The following VPS35 variants were observed in gnomAD, a reference collection of about 807,000 sequenced individuals.
The protein encoded by VPS35 is vacuolar protein sorting-associated protein 35.
In VPS35, 21 loss-of-function variants were observed where a neutral mutation model predicts 98.1. That is an observed-to-expected ratio of 0.21 (90% CI 0.15 to 0.31). The LOEUF (loss-of-function observed/expected upper bound fraction) is 0.31, where lower values mean the gene tolerates loss of function less well. VPS35 is among the 10% of genes least tolerant of loss of function. VPS35 has a pLI of 1.00. For synonymous variants in VPS35, 268 were observed against 318.2 expected (o/e 0.84, Z 1.68); for missense variants, 554 against 950.8 (o/e 0.58, Z 5.49).
chr16:46,676,056 G>A (rs1377197614), intron 8 of VPS35, among the ~76,000 whole-genome samples: 4 of 86,208 alleles, frequency 4.6e-5, no homozygotes, highest in African/African-American at 2.0e-4. Flanking sequence ...CAAGAGTGAG[G>A]ATCTGTCTCA....
In VPS35 at chr16:46,663,108, T is replaced by C. The variant is rs774875351; in HGVS notation, c.1702A>G (p.Ile568Val). ...QKIFSFAHQT[I>V]SALIKAELAE... Reference sequence around the variant, plus strand: ...AGCTCTGCTTTGATCAAAGCACTGATAGTCTGGTGGGCAAATGAAAAAATC... The same window carrying C: ...AGCTCTGCTTTGATCAAAGCACTGACAGTCTGGTGGGCAAATGAAAAAATC... Residue 568 changes from isoleucine to valine, a missense_variant, in exon 14 of 17, where the codon ATC becomes GTC. By Grantham distance (29) the Ile-to-Val change is conservative (BLOSUM62 3). This residue lies in a region of VPS35 where 254 missense variants were observed against 390.1 expected (regional missense o/e 0.65). Transcript: ENST00000299138. The C allele has an allele frequency of 2.5e-6, 4 of 1,614,112 alleles. No homozygotes were observed. The highest frequency in any genetic ancestry group is 2.7e-5 in the African/African-American group (2 of 74,942).
chr16:46,680,497 C>A (rs1258394873), intron 5 of VPS35, among the ~76,000 whole-genome samples, 174 bp downstream of exon 5: 2 of 152,134 alleles, frequency 1.3e-5, no homozygotes, highest in Non-Finnish European at 2.9e-5. Context: ...TTAGATGATA[C>A]CACATATACT....
chr16:46,674,069 G>A, intron 10 of VPS35: 1 of 499,486 alleles, frequency 2.0e-6, no homozygotes, highest in Non-Finnish European at 3.6e-6. Context: ...CACACAGAAA[G>A]GGATCCAAAT....
rs181637703 is a variant in VPS35 at position 46,680,972 on chromosome 16, G to A, written c.324-119C>T. On this transcript the variant is annotated intron_variant, in intron 4 of 16. Coordinates refer to ENST00000299138, the MANE Select transcript of VPS35 (RefSeq NM_018206.6). The stretch of plus-strand genomic sequence containing the variant: ...GACAGGAACCATGTTGTTTTCTCCC[G>A]CATGACAAGGAAAATATCTCATTTA... 189 of 1,067,956 alleles carry A rather than the reference G, an allele frequency of 1.8e-4. No homozygotes were observed. The South Asian group carries it at 2.4e-3, about 13-fold the overall frequency. The allele number at this position is 1,067,956 out of a possible 1,614,324, so 66.2% of individuals were successfully genotyped here. A position where few individuals can be genotyped will look rare whatever the true frequency, so the allele number is the denominator to read the frequency against.
At chr16:46,662,211 G>T (rs768410261) in intron 15 of VPS35, 32 bp downstream of exon 15, 1 of 1,613,948 alleles carries the variant, frequency 6.2e-7, no homozygotes, top group Non-Finnish European at 8.5e-7. Flanking sequence ...TATGGATCCT[G>T]TCTGCTATCA....
At chr16:46,663,206 T>C in intron 13 of VPS35, 44 bp from the exon 14 acceptor site, 1 of 1,557,348 alleles carries the variant, frequency 6.4e-7, no homozygotes, top group Non-Finnish European at 8.8e-7. Flanking sequence ...AATTCAAAAT[T>C]AACTTGTTCC....
chr16:46,677,609 C>T (rs1966171271), intron 6 of VPS35: 1 of 539,452 alleles, frequency 1.9e-6, no homozygotes, highest in Non-Finnish European at 3.3e-6. Context: ...AATCTCCACT[C>T]AATGCAACAT....
intron 1 of VPS35, chr16:46,688,854 A>C: frequency 7.1e-7 from 1 of 1,418,002 alleles, no homozygotes; most frequent in Non-Finnish European, 9.2e-7. Flanking sequence ...GCAGGCCTTC[A>C]TGGACCCCAA....
intron 1 of VPS35, chr16:46,688,637 G>C: frequency 9.9e-7 from 1 of 1,015,152 alleles, no homozygotes; most frequent in South Asian, 3.9e-5. Context: ...GGCCAAGAAA[G>C]GCCAAGGAAT....
In VPS35 at chr16:46,660,834, A is replaced by AC. The variant is rs746166142; in HGVS notation, c.2212-184_2212-183insG. The AC allele has an allele frequency of 4.8e-5, 33 of 688,012 alleles. No homozygotes were observed. In the East Asian group the frequency reaches 9.5e-4, roughly 20 times the overall value. The allele number at this position is 688,012 out of a possible 1,614,324, so 42.6% of individuals were successfully genotyped here. On this transcript the variant is annotated intron_variant, in intron 16 of 16. Coordinates refer to ENST00000299138, the MANE Select transcript of VPS35 (RefSeq NM_018206.6). Reference sequence around the variant, plus strand: ...TTACTGACTATCAAAAAAAAAAAAAAAAAAACAACCCTTTAAAACAAGCAA... The same window carrying AC: ...TTACTGACTATCAAAAAAAAAAAAAACAAAAACAACCCTTTAAAACAAGCAA...
chr16:46,670,268 A>G (rs1227488489), intron 12 of VPS35, among the ~76,000 whole-genome samples: 1 of 152,160 alleles, frequency 6.6e-6, no homozygotes, highest in Non-Finnish European at 1.5e-5. Flanking sequence ...GGGAATAACC[A>G]ATCAGCCACA....
In VPS35 at chr16:46,659,785, C is replaced by CAA. The variant is rs1965879122; in HGVS notation, c.*685_*686dup. 1 of 151,960 alleles carries CAA rather than the reference C, an allele frequency of 6.6e-6. No individual in the cohort carries two copies. The highest frequency in any genetic ancestry group is 2.4e-5 in the African/African-American group (1 of 41,382). The allele number at this position is 151,960 out of a possible 1,614,324, so 9.4% of individuals were successfully genotyped here. ...GGTGATACATAAATTATATAGATCA[C>CAA]AAGTTTTCTTTTATACTATTTAAAA... On this transcript the variant is annotated 3_prime_UTR_variant, in exon 17 of 17. Transcript: ENST00000299138.
At position 46,660,211 on chromosome 16, in the gene VPS35, T is replaced by TTTTTA; in HGVS notation, c.*260_*261insTAAAA. The TTTTTA allele has an allele frequency of 4.5e-6, 1 of 220,082 alleles. No individual in the cohort carries two copies. The highest frequency in any genetic ancestry group is 1.8e-4 in the South Asian group (1 of 5,712). The allele number at this position is 220,082 out of a possible 1,614,324, so 13.6% of individuals were successfully genotyped here. A position where few individuals can be genotyped will look rare whatever the true frequency, so the allele number is the denominator to read the frequency against. On this transcript the variant is annotated 3_prime_UTR_variant, in exon 17 of 17. Coordinates refer to ENST00000299138, the MANE Select transcript of VPS35 (RefSeq NM_018206.6). ...TTTGTGTTTTTTTTTTTTTTTTTTTTTACAGATCACAGGAATTTTAAATTG... is the reference window on the plus strand; with the variant it reads ...TTTGTGTTTTTTTTTTTTTTTTTTTTTTTTATACAGATCACAGGAATTTTAAATTG...
At chr16:46,677,068 T>A (rs1387387320) in intron 7 of VPS35, among the ~76,000 whole-genome samples, 1 of 152,094 alleles carries the variant, frequency 6.6e-6, no homozygotes, top group African/African-American at 2.4e-5. Flanking sequence ...AAAATTTTTT[T>A]AATTTTTTAT....
In VPS35 at chr16:46,683,559, A is replaced by G. The variant is rs770188899; in HGVS notation, c.51T>C (p.Asp17=). The G allele has an allele frequency of 3.1e-6, 5 of 1,614,070 alleles. No homozygotes were observed. The part of the protein sequence containing the change: ...SPQDEQEKLL[D]EAIQAVKVQS... ...GGACCTTCACAGCCTGTATGGCTTCATCCAAGAGCTTTTCCTGCTCATCCT... is the reference window on the plus strand; with the variant it reads ...GGACCTTCACAGCCTGTATGGCTTCGTCCAAGAGCTTTTCCTGCTCATCCT... The change falls in exon 2 of 17, where the codon GAT becomes GAC. Residue 17 remains aspartate, a synonymous_variant. Transcript: ENST00000299138.
intron 10 of VPS35, chr16:46,673,557 T>G (rs1346941979): frequency 6.6e-6 from 1 of 152,416 alleles, no homozygotes; most frequent in Non-Finnish European, 1.5e-5. Context: ...GGTAACAGGA[T>G]CATAGCTGCC....
chr16:46,688,581 G>A (rs1966361515), intron 1 of VPS35: 21 of 994,452 alleles, frequency 2.1e-5, no homozygotes, highest in Non-Finnish European at 2.0e-5. Context: ...ATGTAAGCAG[G>A]TCCCCAGAAC....
chr16:46,666,268 A>ATTT (rs747687406), intron 13 of VPS35, among the ~76,000 whole-genome samples: 3 of 132,444 alleles, frequency 2.3e-5, no homozygotes, highest in Admixed American at 7.6e-5. Context: ...TAATTTTTTA[A>ATTT]TTTTTTTTTT....
In VPS35 at chr16:46,658,148, TG is replaced by T. The variant is rs1389819193; in HGVS notation, c.*2323del. ...CTTCAGCCCATGGGTCTGAGGAGCC[TG>T]GGACTGCAGGCCAAAGCACTGGCCT... is the stretch of plus-strand genomic sequence containing the variant. On this transcript the variant is annotated 3_prime_UTR_variant, in exon 17 of 17. Coordinates refer to ENST00000299138, the MANE Select transcript of VPS35 (RefSeq NM_018206.6). 2 of 152,696 alleles carry T rather than the reference TG, an allele frequency of 1.3e-5. No homozygotes were observed. The highest frequency in any genetic ancestry group is 2.9e-5 in the Non-Finnish European group (2 of 68,046). 9.5% of individuals were successfully genotyped at this position (152,696 alleles called of 1,614,324 possible). A position where few individuals can be genotyped will look rare whatever the true frequency, so the allele number is the denominator to read the frequency against.
Sources: allele counts gnomAD v4.1 joint callset (sites outside exome capture counted in the v4.1 genomes callset), GRCh38; gene constraint gnomAD v4.1.1; regional missense constraint gnomAD v4.1.1; transcripts MANE v1.5; gene names NCBI Gene and HGNC (gene_info 2026-07-23, HGNC 2026-07-21).